CACNG3: variants seen among roughly 807,000 people sequenced by gnomAD.
CACNG3 encodes the protein calcium voltage-gated channel auxiliary subunit gamma 3.
CACNG3 carries 3 observed loss-of-function variants against 28.5 expected under a neutral mutation model. The ratio of observed to expected loss-of-function variants is 0.11; its 90% confidence interval spans 0.05 to 0.27. The LOEUF is 0.27. Ranked by LOEUF, CACNG3 falls within the 10% of genes least tolerant of loss-of-function variation. The pLI is 1.00. For missense variants in CACNG3, 236 were observed against 414.4 expected (o/e 0.57, Z 3.74); for synonymous variants, 174 against 162.2 (o/e 1.07, Z -0.55).
At chr16:24,257,368 G>GGGGGAGA (rs1287474223) in intron 1 of CACNG3, among the ~76,000 whole-genome samples, 7 of 52,862 alleles carry the variant, frequency 1.3e-4, no homozygotes, top group Admixed American at 2.4e-4. Context: ...AAGTGAGGGG[G>GGGGGAGA]GAGAGAGAGA....
chr16:24,304,886 A>G (rs1273951432), intron 1 of CACNG3, among the ~76,000 whole-genome samples: 1 of 152,206 alleles, frequency 6.6e-6, no homozygotes, highest in Non-Finnish European at 1.5e-5. Context: ...TTAATCCAAC[A>G]TTATTACCTC....
intron 1 of CACNG3, among the ~76,000 whole-genome samples, chr16:24,306,352 C>G (rs964605367): frequency 6.6e-6 from 1 of 152,174 alleles, no homozygotes; most frequent in Non-Finnish European, 1.5e-5. Flanking sequence ...AAAGGCTGAA[C>G]GGTGGCTTCA....
chr16:24,280,821 C>CAAAAAAAAAAAAAAAAAAAA (rs71154295), intron 1 of CACNG3, among the ~76,000 whole-genome samples: 1 of 55,626 alleles, frequency 1.8e-5, no homozygotes, highest in Non-Finnish European at 3.2e-5. Flanking sequence ...GAGTTTGTCT[C>CAAAAAAAAAAAAAAAAAAAA]AAAAAAAAAA....
chr16:24,351,685 G>GAAAGAAA (rs1567225397), intron 2 of CACNG3, among the ~76,000 whole-genome samples: 3 of 40,976 alleles, frequency 7.3e-5, no homozygotes, highest in African/African-American at 2.2e-4. Flanking sequence ...AAAGAAAGAA[G>GAAAGAAA]GAAAGAAAGA....
chr16:24,296,662 T>C (rs1392497767), intron 1 of CACNG3, among the ~76,000 whole-genome samples: 3 of 152,196 alleles, frequency 2.0e-5, no homozygotes, highest in African/African-American at 7.2e-5. Context: ...TTCTTTGATA[T>C]ACATGACAAC....
intron 1 of CACNG3, among the ~76,000 whole-genome samples, chr16:24,294,795 G>A (rs896816318): frequency 2.0e-5 from 3 of 152,194 alleles, no homozygotes; most frequent in Non-Finnish European, 2.9e-5. Context: ...TAAGAGTCTT[G>A]TGACAGTTTG....
intron 1 of CACNG3, among the ~76,000 whole-genome samples, chr16:24,330,292 A>G (rs1899614428): frequency 6.6e-6 from 1 of 152,198 alleles, no homozygotes; most frequent in South Asian, 2.1e-4. Flanking sequence ...GCTTGCTTGT[A>G]GGGAGACCTC....
intron 1 of CACNG3, among the ~76,000 whole-genome samples, chr16:24,319,603 TATTTATTTATTTA>T (rs1899429706): frequency 1.2e-5 from 1 of 83,048 alleles, no homozygotes; most frequent in Non-Finnish European, 2.7e-5. Context: ...TTTATTTATT[TATTTATTTATTTA>T]ATTTATTTAT....
intron 1 of CACNG3, among the ~76,000 whole-genome samples, chr16:24,264,769 A>G (rs550048038): frequency 6.6e-6 from 1 of 152,376 alleles, no homozygotes; most frequent in Admixed American, 6.5e-5. Context: ...AGTTTTAACA[A>G]CCAAAAGTGA....
At chr16:24,340,371 C>A (rs557091096) in intron 1 of CACNG3, among the ~76,000 whole-genome samples, 2 of 152,158 alleles carry the variant, frequency 1.3e-5, no homozygotes, top group African/African-American at 4.8e-5. Flanking sequence ...GCTCTCCAGA[C>A]TGGGCAACAG....
chr16:24,351,516 G>A (rs1174600079), intron 2 of CACNG3, among the ~76,000 whole-genome samples: 1 of 150,296 alleles, frequency 6.7e-6, no homozygotes, highest in Non-Finnish European at 1.5e-5. Context: ...AGGTTGCAGT[G>A]AGCCGGATCG....
intron 1 of CACNG3, among the ~76,000 whole-genome samples, chr16:24,299,181 T>C (rs2107119): frequency 1 from 152,213 of 152,306 alleles, 76,060 homozygotes; most frequent in Middle Eastern, 1. Flanking sequence ...TCTTCTGTAC[T>C]GGAAATGTGC....
At chr16:24,276,182 A>G (rs747177825) in intron 1 of CACNG3, among the ~76,000 whole-genome samples, 1 of 152,228 alleles carries the variant, frequency 6.6e-6, no homozygotes, top group African/African-American at 2.4e-5. Context: ...CCAGACATTA[A>G]AGAGATTTTC....
chr16:24,322,738 C>T (rs754716126), intron 1 of CACNG3, among the ~76,000 whole-genome samples: 1 of 152,116 alleles, frequency 6.6e-6, no homozygotes, highest in Non-Finnish European at 1.5e-5. Flanking sequence ...ATTCCGTGTG[C>T]ATATTGAGAC....
At chr16:24,299,323 G>A (rs545929911) in intron 1 of CACNG3, among the ~76,000 whole-genome samples, 9 of 151,788 alleles carry the variant, frequency 5.9e-5, no homozygotes, top group Non-Finnish European at 1.0e-4. Context: ...TTCCACCTTC[G>A]GCACTGGGAA....
At chr16:24,310,258 A>G (rs575084872) in intron 1 of CACNG3, among the ~76,000 whole-genome samples, 13 of 152,362 alleles carry the variant, frequency 8.5e-5, no homozygotes, top group African/African-American at 3.1e-4. Flanking sequence ...AGCAATGAAA[A>G]TAGCTCTTAT....
chr16:24,306,514 T>C (rs1325354316), intron 1 of CACNG3, among the ~76,000 whole-genome samples: 3 of 152,188 alleles, frequency 2.0e-5, no homozygotes, highest in Non-Finnish European at 4.4e-5. Context: ...TCCACCCATC[T>C]GGTATCTCCT....
At chr16:24,282,960 C>T (rs1378155864) in intron 1 of CACNG3, among the ~76,000 whole-genome samples, 1 of 152,082 alleles carries the variant, frequency 6.6e-6, no homozygotes, top group African/African-American at 2.4e-5. Context: ...CCTCCACCTC[C>T]TGGGTTCAAG....
At position 24,327,450 on chromosome 16, in the gene CACNG3, A is replaced by G. The variant is rs62030063; in HGVS notation, c.212-19284A>G. ...TGTGTGTGTGTGTGTATATATATAT[A>G]TATATACACACACACACACACACAC... On this transcript the variant is annotated intron_variant, in intron 1 of 3. Coordinates refer to ENST00000005284, the MANE Select transcript of CACNG3 (RefSeq NM_006539.4). Among the ~76,000 whole-genome samples, 1,107 of 112,422 alleles carry G rather than the reference A, an allele frequency of 9.8e-3. 15 individuals carry two copies. The highest frequency in any genetic ancestry group is 0.03 in the African/African-American group (809 of 26,700). The allele number at this position is 112,422 out of a possible 152,430, so 73.8% of individuals were successfully genotyped here.
Sources: gnomAD v4.1 joint callset for allele counts (sites outside exome capture counted in the v4.1 genomes callset) on GRCh38, gnomAD v4.1.1 for gene constraint, MANE v1.5 for transcripts, NCBI Gene and HGNC (gene_info 2026-07-23, HGNC 2026-07-21) for gene names.